The following CTNNA3 variants were observed in gnomAD, a reference collection of about 807,000 sequenced individuals.
CTNNA3 encodes the protein catenin alpha 3.
CTNNA3 carries 76 observed loss-of-function variants against 95.7 expected under a neutral mutation model. The ratio of observed to expected loss-of-function variants is 0.79; its 90% CI spans 0.66 to 0.96. CTNNA3 has a LOEUF of 0.96. CTNNA3 is among the 40% of genes least tolerant of loss of function. The pLI is 0.00. For missense variants in CTNNA3, 1,191 were observed against 1,089.8 expected, an observed-to-expected ratio of 1.09 and a Z score of -1.31; for synonymous variants, 431 against 374.4, an observed-to-expected ratio of 1.15 and a Z score of -1.74.
In CTNNA3 at chr10:67,740,621, A is replaced by G. The variant is rs866769777; in HGVS notation, c.-2+22813T>C. Among the ~76,000 whole-genome samples the G allele has an allele frequency of 2.8e-4, 42 of 151,550 alleles. 1 individual carries two copies. Among genetic ancestry groups the G allele is most frequent in the Admixed American group, 2.4e-3 (37 of 15,166 alleles). On this transcript the variant is annotated intron_variant, in intron 1 of 17. Transcript: ENST00000684154. Reference sequence around the variant, plus strand: ...AAACCACAATGAGATATCATCTCACACCAGTTAGAATGGCAGTCATTAAAA... The same window carrying G: ...AAACCACAATGAGATATCATCTCACGCCAGTTAGAATGGCAGTCATTAAAA...
intron 15 of CTNNA3, among the ~76,000 whole-genome samples, chr10:66,020,796 C>T (rs1048855974): frequency 1.3e-5 from 2 of 151,888 alleles, no homozygotes; most frequent in African/African-American, 2.4e-5. Context: ...CTCAGCCTCC[C>T]GAGTAGCTGG....
At chr10:66,639,367 G>T (rs921215718) in intron 9 of CTNNA3, among the ~76,000 whole-genome samples, 1 of 152,126 alleles carries the variant, frequency 6.6e-6, no homozygotes, top group African/African-American at 2.4e-5. Context: ...ATTTATCCTT[G>T]CTCTGTTAGC....
At chr10:66,429,403 T>G (rs543546674) in intron 11 of CTNNA3, among the ~76,000 whole-genome samples, 1,707 of 150,214 alleles carry the variant, frequency 0.011, 21 homozygotes, top group Middle Eastern at 0.017. Flanking sequence ...ACTCATTTTA[T>G]GAGGCCAGCA....
In CTNNA3 at chr10:66,689,488, A is replaced by T. The variant is rs570425289; in HGVS notation, c.1282-67704T>A. Among the ~76,000 whole-genome samples the T allele has an allele frequency of 3.3e-5, 5 of 152,336 alleles. No individual in the cohort carries two copies. In the South Asian group the frequency reaches 1.0e-3, roughly 32 times the overall value. On this transcript the variant is annotated intron_variant, in intron 9 of 17. Transcript: ENST00000433211. ...GTGGCTTAAACAAACTTTTGGAACA[A>T]TCCCAATTATTTGTTAAGAGTCACT... is the stretch of plus-strand genomic sequence containing the variant.
chr10:66,700,226 A>C (rs1029287817), intron 9 of CTNNA3, among the ~76,000 whole-genome samples: 5 of 152,182 alleles, frequency 3.3e-5, no homozygotes, highest in South Asian at 4.1e-4. Context: ...AATATCAAGA[A>C]GTTTTTCCCT....
intron 11 of CTNNA3, among the ~76,000 whole-genome samples, chr10:66,518,216 C>G (rs767885791): frequency 2.6e-5 from 4 of 152,142 alleles, no homozygotes; most frequent in African/African-American, 9.7e-5. Flanking sequence ...TCAGGTTAAT[C>G]TAGCACTAAA....
At chr10:66,899,479 G>C (rs1845634124) in intron 7 of CTNNA3, among the ~76,000 whole-genome samples, 1 of 152,160 alleles carries the variant, frequency 6.6e-6, no homozygotes, top group Admixed American at 6.5e-5. Context: ...GAGGTACCTA[G>C]TTCATCTCAT....
chr10:67,204,809 G>A (rs1169115031), intron 6 of CTNNA3, among the ~76,000 whole-genome samples: 1 of 151,008 alleles, frequency 6.6e-6, no homozygotes, highest in Non-Finnish European at 1.5e-5. Context: ...TGAAAATTCA[G>A]AGGCTAGGGT....
chr10:66,932,821 C>T (rs1448401715), intron 7 of CTNNA3, among the ~76,000 whole-genome samples: 2 of 152,116 alleles, frequency 1.3e-5, no homozygotes, highest in African/African-American at 2.4e-5. Flanking sequence ...CTTAATACTA[C>T]CAATAAAATC....
chr10:66,049,828 G>C (rs2079909534), intron 15 of CTNNA3, among the ~76,000 whole-genome samples: 1 of 152,084 alleles, frequency 6.6e-6, no homozygotes, highest in South Asian at 2.1e-4. Context: ...GAGCAGAAAA[G>C]ATAACTATTG....
intron 7 of CTNNA3, among the ~76,000 whole-genome samples, chr10:67,001,379 C>T (rs1851682876): frequency 6.7e-6 from 1 of 149,866 alleles, no homozygotes. Flanking sequence ...TGTGAGTTCA[C>T]TTCTAGAATG....
At chr10:67,288,078 T>C (rs964471815) in intron 5 of CTNNA3, among the ~76,000 whole-genome samples, 11 of 152,220 alleles carry the variant, frequency 7.2e-5, no homozygotes, top group Non-Finnish European at 1.6e-4. Context: ...TTATAATCAC[T>C]GAAATTGATT....
At chr10:67,164,255 A>G (rs1410606979) in intron 7 of CTNNA3, among the ~76,000 whole-genome samples, 2 of 152,140 alleles carry the variant, frequency 1.3e-5, no homozygotes, top group East Asian at 1.9e-4. Flanking sequence ...ATATTGGCCA[A>G]GGAATAAACA....
At chr10:65,936,533 T>A (rs1670135) in intron 17 of CTNNA3, among the ~76,000 whole-genome samples, 22,956 of 151,988 alleles carry the variant, frequency 0.15, 2,154 homozygotes, top group South Asian at 0.23. Flanking sequence ...CGCTGAAGAA[T>A]TCCACATCTT....
At chr10:66,886,862 T>C (rs1404116936) in intron 7 of CTNNA3, among the ~76,000 whole-genome samples, 1 of 152,216 alleles carries the variant, frequency 6.6e-6, no homozygotes, top group Non-Finnish European at 1.5e-5. Flanking sequence ...AAGGCTTACA[T>C]TTCTCAGAAT....
At chr10:66,475,074 T>C (rs1839275504) in intron 11 of CTNNA3, among the ~76,000 whole-genome samples, 1 of 152,020 alleles carries the variant, frequency 6.6e-6, no homozygotes, top group South Asian at 2.1e-4. Flanking sequence ...GATACCCATG[T>C]CTTCTAGTTT....
upstream of CTNNA3, among the ~76,000 whole-genome samples, chr10:67,700,336 G>A (rs1841026121): frequency 6.6e-6 from 1 of 152,186 alleles, no homozygotes; most frequent in Admixed American, 6.5e-5. Flanking sequence ...GTGGGTCCCT[G>A]ACCCCTTGAC....
intron 7 of CTNNA3, among the ~76,000 whole-genome samples, chr10:66,872,738 G>C (rs2132444721): frequency 6.6e-6 from 1 of 152,138 alleles, no homozygotes; most frequent in South Asian, 2.1e-4. Context: ...GTGAAGGTTT[G>C]TTACATGGGT....
rs188472119 is a variant in CTNNA3 at position 67,210,774 on chromosome 10, G to C, written c.843+8833C>G. Among the ~76,000 whole-genome samples, 9 of 152,180 alleles carry C rather than the reference G, an allele frequency of 5.9e-5. No homozygotes were observed. The East Asian group carries it at 1.7e-3, about 29-fold the overall frequency. On this transcript the variant is annotated intron_variant, in intron 6 of 17. Coordinates refer to ENST00000433211, the MANE Select transcript of CTNNA3 (RefSeq NM_013266.4). ...AAAATAATAAATAAAAATAAAAACT[G>C]TTCTATTTTGAGGTCCTCTATAAAT...
Sources: allele counts gnomAD v4.1 joint callset (sites outside exome capture counted in the v4.1 genomes callset), GRCh38; gene constraint gnomAD v4.1.1; transcripts MANE v1.5; gene names NCBI Gene and HGNC (gene_info 2026-07-23, HGNC 2026-07-21).